Variants in KPNA6 observed in about 807,000 individuals in gnomAD.
KPNA6 encodes the protein karyopherin subunit alpha 6, also known as importin subunit alpha-7.
A neutral mutation model predicts 72.0 loss-of-function variants in KPNA6; 9 were observed. The observed-to-expected ratio is 0.13, with a 90% CI of 0.08 to 0.22. The LOEUF (loss-of-function observed/expected upper bound fraction) is 0.22, where lower values mean the gene tolerates loss of function less well. KPNA6 is among the 10% of genes least tolerant of loss of function. The pLI, the probability that KPNA6 is intolerant of heterozygous loss-of-function variation, is 1.00. For missense variants in KPNA6, 374 were observed against 655.7 expected, an observed-to-expected ratio of 0.57 and a Z score of 4.69; for synonymous variants, 219 against 242.1, an observed-to-expected ratio of 0.90 and a Z score of 0.89.
At chr1:32,142,687 A>C (rs1214196407) in intron 1 of KPNA6, among the ~76,000 whole-genome samples, 1 of 152,214 alleles carries the variant, frequency 6.6e-6, no homozygotes. Flanking sequence ...ACCCAAAGAC[A>C]GTCTAGGACA....
At chr1:32,144,213 A>G (rs1215261930) in intron 1 of KPNA6, among the ~76,000 whole-genome samples, 1 of 152,198 alleles carries the variant, frequency 6.6e-6, no homozygotes, top group African/African-American at 2.4e-5. Context: ...TTGACCACAA[A>G]CACTGCAATA....
intron 10 of KPNA6, among the ~76,000 whole-genome samples, chr1:32,165,833 A>G (rs1230454739): frequency 6.6e-6 from 1 of 151,880 alleles, no homozygotes; most frequent in Non-Finnish European, 1.5e-5. Context: ...CCCCATCTCT[A>G]CTAAAAATAG....
At chr1:32,155,251 C>G (rs1223630905) in intron 2 of KPNA6, among the ~76,000 whole-genome samples, 1 of 151,402 alleles carries the variant, frequency 6.6e-6, no homozygotes, top group African/African-American at 2.4e-5. Context: ...GTTAGACCAA[C>G]TTAGACATCA....
chr1:32,136,317 C>T (rs535350435), intron 1 of KPNA6, among the ~76,000 whole-genome samples: 7 of 152,066 alleles, frequency 4.6e-5, no homozygotes, highest in South Asian at 4.2e-4. Context: ...ATTATAAGTG[C>T]CTGCCACCAC....
Position 32,173,352 on chromosome 1 carries a change from A to C in KPNA6, c.*2458A>C. 3 of 363,914 alleles carry C rather than the reference A, an allele frequency of 8.2e-6. No individual in the cohort carries two copies. Among genetic ancestry groups the C allele is most frequent in the African/African-American group, 2.1e-5 (1 of 47,856 alleles). The allele number at this position is 363,914 out of a possible 1,614,324, so 22.5% of individuals were successfully genotyped here. A position where few individuals can be genotyped will look rare whatever the true frequency, so the allele number is the denominator to read the frequency against. ...CTGCTTGTCCAGCTGTTCCTCCAAA[A>C]TCTACTTTGGCTTCAGCTCCGGGTC... is the stretch of plus-strand genomic sequence containing the variant. On this transcript the variant is annotated 3_prime_UTR_variant, in exon 14 of 14. Transcript: ENST00000373625.
chr1:32,141,764 G>A (rs1010801494), intron 1 of KPNA6, among the ~76,000 whole-genome samples: 6 of 151,902 alleles, frequency 3.9e-5, no homozygotes, highest in African/African-American at 1.2e-4. Context: ...AGTTTACTTC[G>A]ATTGTCGCCT....
At chr1:32,160,493 A>G in intron 6 of KPNA6, 122 bp from the exon 7 acceptor site, 1 of 713,074 alleles carries the variant, frequency 1.4e-6, no homozygotes, top group Non-Finnish European at 2.6e-6. Flanking sequence ...GAGCTTGTGT[A>G]GTATATTTGG....
chr1:32,121,076 C>T (rs1226758385), intron 1 of KPNA6, among the ~76,000 whole-genome samples: 4 of 152,240 alleles, frequency 2.6e-5, no homozygotes, highest in Admixed American at 6.5e-5. Context: ...GGGGTTTCAG[C>T]ATATTGTCCA....
intron 1 of KPNA6, among the ~76,000 whole-genome samples, chr1:32,134,154 G>C (rs926554540): frequency 6.6e-6 from 1 of 151,620 alleles, no homozygotes; most frequent in Non-Finnish European, 1.5e-5. Context: ...CTACTGGGGA[G>C]GCCGAGGCAG....
chr1:32,110,132 T>G (rs1344157391), intron 1 of KPNA6, among the ~76,000 whole-genome samples: 1 of 146,858 alleles, frequency 6.8e-6, no homozygotes, highest in East Asian at 2.1e-4. Context: ...TGGCCAGATC[T>G]CGGCTCACTG....
chr1:32,163,368 A>G (rs112337650), intron 10 of KPNA6, 55 bp downstream of exon 10: 1 of 1,308,428 alleles, frequency 7.6e-7, no homozygotes, highest in Non-Finnish European at 1.1e-6. Context: ...GCTTGTGGAG[A>G]GCTGCCAGTG....
intron 1 of KPNA6, among the ~76,000 whole-genome samples, chr1:32,131,644 G>GTA (rs755674252): frequency 3.3e-4 from 49 of 150,332 alleles, no homozygotes; most frequent in Middle Eastern, 6.9e-3. Flanking sequence ...ATATGTATGT[G>GTA]TATATATATA....
chr1:32,117,519 C>G lies in KPNA6; in HGVS notation c.4+9385C>G, dbSNP rs145993192. 9.7e-3 allele frequency among the ~76,000 whole-genome samples: 1,462 copies of G among 151,308 alleles called. 19 individuals carry two copies. Among genetic ancestry groups the G allele is most frequent in the African/African-American group, 0.033 (1,343 of 41,240 alleles). On this transcript the variant is annotated intron_variant, in intron 1 of 13. Coordinates refer to ENST00000373625, the MANE Select transcript of KPNA6 (RefSeq NM_012316.5). ...AAAAAACACACATTGGCTGGGTATGCTGGCTGACGCCTATAATCCCAGCAC... is the reference window on the plus strand; with the variant it reads ...AAAAAACACACATTGGCTGGGTATGGTGGCTGACGCCTATAATCCCAGCAC...
chr1:32,133,516 CAAAAAAAAA>C (rs56850687), intron 1 of KPNA6, among the ~76,000 whole-genome samples: 11 of 43,886 alleles, frequency 2.5e-4, no homozygotes, highest in Non-Finnish European at 3.7e-4. Flanking sequence ...CTAGTCTCTA[CAAAAAAAAA>C]AAAAAAAAAA....
At chr1:32,119,460 A>T (rs1290351650) in intron 1 of KPNA6, among the ~76,000 whole-genome samples, 1 of 152,168 alleles carries the variant, frequency 6.6e-6, no homozygotes, top group Non-Finnish European at 1.5e-5. Flanking sequence ...ATTTCAGCAA[A>T]TGATTATTAA....
intron 12 of KPNA6, among the ~76,000 whole-genome samples, chr1:32,169,006 CAA>C (rs1460176956): frequency 6.6e-6 from 1 of 152,038 alleles, no homozygotes; most frequent in African/African-American, 2.4e-5. Flanking sequence ...TGAACTAGAC[CAA>C]CCACATGTGA....
chr1:32,157,834 G>A (rs930994790), intron 4 of KPNA6, among the ~76,000 whole-genome samples: 1 of 152,052 alleles, frequency 6.6e-6, no homozygotes, highest in Non-Finnish European at 1.5e-5. Context: ...TGTGTCCTCT[G>A]TACCTAGAAC....
chr1:32,131,541 A>G lies in KPNA6; in HGVS notation c.5-23047A>G, dbSNP rs149403367. ...AAATTTAAAAAGACACTGAAAACAC[A>G]TACAACCACATACATACATACACAC... On this transcript the variant is annotated intron_variant, in intron 1 of 13. Transcript: ENST00000373625. 1.2e-4 allele frequency among the ~76,000 whole-genome samples: 18 copies of G among 152,148 alleles called. No individual in the cohort carries two copies. The East Asian group carries it at 3.5e-3, about 29-fold the overall frequency.
At chr1:32,121,152 G>A (rs1032140112) in intron 1 of KPNA6, among the ~76,000 whole-genome samples, 6 of 152,106 alleles carry the variant, frequency 3.9e-5, no homozygotes, top group South Asian at 2.1e-4. Flanking sequence ...GATTACAAGC[G>A]TAAGCTACTG....
Sources: allele counts gnomAD v4.1 joint callset (sites outside exome capture counted in the v4.1 genomes callset), GRCh38; gene constraint gnomAD v4.1.1; transcripts MANE v1.5; gene names NCBI Gene and HGNC (gene_info 2026-07-23, HGNC 2026-07-21).